Variants in MYL4 observed in about 807,000 individuals in gnomAD.
MYL4 encodes atrial myosin light chain 1.
A neutral mutation model predicts 21.6 loss-of-function variants in MYL4; 16 were observed. That is an observed-to-expected ratio of 0.74 (90% CI 0.50 to 1.12). MYL4 has a LOEUF of 1.12. Ranked by LOEUF, MYL4 falls within the 50% of genes most tolerant of loss-of-function variation. The pLI, the probability that MYL4 is intolerant of heterozygous loss-of-function variation, is 0.00. For synonymous variants in MYL4, 82 were observed against 95.7 expected, an observed-to-expected ratio of 0.86 and a Z score of 0.83; for missense variants, 249 against 252.9, an observed-to-expected ratio of 0.98 and a Z score of 0.11.
chr17:47,214,653 A>G (rs1461153371), intron 2 of MYL4, among the ~76,000 whole-genome samples: 2 of 152,242 alleles, frequency 1.3e-5, no homozygotes, highest in Non-Finnish European at 2.9e-5. Context: ...TAAAAAATAA[A>G]AATCCTTTTT....
At chr17:47,222,634 A>G (rs2064865569) in intron 5 of MYL4, among the ~76,000 whole-genome samples, 177 bp downstream of exon 5, 1 of 152,000 alleles carries the variant, frequency 6.6e-6, no homozygotes, top group Admixed American at 6.6e-5. Context: ...TGGCGGGAGC[A>G]TGGATTTTGG....
intron 1 of MYL4, among the ~76,000 whole-genome samples, chr17:47,213,421 C>A (rs1274457820): frequency 6.6e-6 from 1 of 152,176 alleles, no homozygotes; most frequent in African/African-American, 2.4e-5. Flanking sequence ...CTACACACAA[C>A]CTCCTGTATA....
chr17:47,206,695 G>C (rs1007046389), upstream of MYL4, among the ~76,000 whole-genome samples: 5 of 152,148 alleles, frequency 3.3e-5, no homozygotes, highest in African/African-American at 1.2e-4. Context: ...CTAGTCTCAG[G>C]ATTCTGTTGA....
intron 1 of MYL4, among the ~76,000 whole-genome samples, chr17:47,201,549 C>T (rs1339324900): frequency 6.6e-6 from 1 of 152,032 alleles, no homozygotes; most frequent in Non-Finnish European, 1.5e-5. Context: ...CCGCCTCTCC[C>T]AGGTTCAAGT....
At chr17:47,212,457 C>T (rs1336656824) in intron 1 of MYL4, among the ~76,000 whole-genome samples, 1 of 152,226 alleles carries the variant, frequency 6.6e-6, no homozygotes, top group Non-Finnish European at 1.5e-5. Flanking sequence ...CACGTAAAGG[C>T]ATGACTGGAA....
intron 2 of MYL4, among the ~76,000 whole-genome samples, chr17:47,217,019 A>C (rs1191844961): frequency 1.3e-5 from 2 of 152,094 alleles, no homozygotes; most frequent in Admixed American, 1.3e-4. Flanking sequence ...TTTTGAGGAG[A>C]CTTCCTCTTT....
intron 1 of MYL4, among the ~76,000 whole-genome samples, chr17:47,202,964 T>C (rs1668224111): frequency 2.0e-5 from 3 of 152,206 alleles, no homozygotes; most frequent in Non-Finnish European, 4.4e-5. Context: ...TTTATTTATT[T>C]ACTTATAGAC....
At chr17:47,191,834 C>T in the MYL4 span, among the ~76,000 whole-genome samples, 7 of 152,286 alleles carry the variant, frequency 4.6e-5, no homozygotes, top group Middle Eastern at 3.4e-3. Flanking sequence ...TGGTCATTTA[C>T]GGACTCAGCT....
At chr17:47,193,421 C>T in the MYL4 span, among the ~76,000 whole-genome samples, 1 of 152,098 alleles carries the variant, frequency 6.6e-6, no homozygotes, top group African/African-American at 2.4e-5. Flanking sequence ...GTGTGCGCCA[C>T]CACACCCAGC....
chr17:47,196,488 T>C (rs148532452), upstream of MYL4, among the ~76,000 whole-genome samples: 410 of 152,366 alleles, frequency 2.7e-3, 2 homozygotes, highest in Non-Finnish European at 3.9e-3. Context: ...TATATTTCTG[T>C]ATATTGTTCT....
upstream of MYL4, among the ~76,000 whole-genome samples, chr17:47,208,075 TC>T (rs1411316761): frequency 1.3e-5 from 2 of 152,224 alleles, no homozygotes; most frequent in African/African-American, 4.8e-5. Context: ...AAGTTGTTCA[TC>T]CAGTTTTAGT....
rs754888534 is a variant in MYL4 at position 47,222,449 on chromosome 17, A to G, written c.557A>G (p.Asn186Ser). The G allele has an allele frequency of 1.2e-5, 19 of 1,614,004 alleles. No individual in the cohort carries two copies. Among genetic ancestry groups the G allele is most frequent in the African/African-American group, 2.7e-5 (2 of 74,920 alleles). The change falls in exon 5 of 7, where the codon AAT (asparagine) becomes AGT (serine). Residue 186 changes from asparagine to serine, a missense_variant. Coordinates refer to ENST00000393450, the MANE Select transcript of MYL4 (RefSeq NM_002476.2). ...AGQEDANGCI[N>S]YEAFVKHIMS... ...CAAGAGGATGCCAATGGCTGCATCA[A>G]TTATGAAGGTATTAAGCCGCGCCTT... is the stretch of plus-strand genomic sequence containing the variant.
chr17:47,190,105 A>G, the MYL4 span, among the ~76,000 whole-genome samples: 19 of 152,220 alleles, frequency 1.2e-4, no homozygotes, highest in Non-Finnish European at 2.2e-4. Context: ...TACTTAGGTG[A>G]AGAGATCATG....
chr17:47,220,169 C>A lies in MYL4; in HGVS notation c.313+116C>A, dbSNP rs2064845247. The A allele has an allele frequency of 3.8e-6, 5 of 1,299,284 alleles. No individual in the cohort carries two copies. In the South Asian group the frequency reaches 6.2e-5, roughly 16 times the overall value. 80.5% of individuals were successfully genotyped at this position (1,299,284 alleles called of 1,614,324 possible). On this transcript the variant is annotated intron_variant, in intron 3 of 6. Coordinates refer to ENST00000393450, the MANE Select transcript of MYL4 (RefSeq NM_002476.2). ...TCTCTCTTCTCCTGCTTTAGCCCCT[C>A]AGGACCAGCCTCACCTACCCAGCTT... is the stretch of plus-strand genomic sequence containing the variant.
intron 1 of MYL4, among the ~76,000 whole-genome samples, chr17:47,210,039 A>C (rs2064761932): frequency 6.6e-6 from 1 of 152,088 alleles, no homozygotes; most frequent in African/African-American, 2.4e-5. Flanking sequence ...GAAAGGCTTC[A>C]CTCACAAACA....
At chr17:47,198,333 T>C (rs1440370792), upstream of MYL4, among the ~76,000 whole-genome samples, 2 of 151,946 alleles carry the variant, frequency 1.3e-5, no homozygotes, top group East Asian at 1.9e-4. Context: ...ACAAAAAGAG[T>C]AAATTTAATG....
chr17:47,209,560 A>G lies in MYL4; in HGVS notation c.135+3A>G. 2 of 1,614,198 alleles carry G rather than the reference A, an allele frequency of 1.2e-6. No homozygotes were observed. Among genetic ancestry groups the G allele is most frequent in the African/African-American group, 1.3e-5 (1 of 75,050 alleles). ...CCTTTGACCCCAAGAGTGTAAAGGT[A>G]AGTGAGGCTCAGCCATTGGGATAGA... is the stretch of plus-strand genomic sequence containing the variant. On this transcript the variant is annotated splice_donor_region_variant and intron_variant, in intron 1 of 6. Coordinates refer to ENST00000393450, the MANE Select transcript of MYL4 (RefSeq NM_002476.2).
chr17:47,214,945 T>C (rs2064803391), intron 2 of MYL4, among the ~76,000 whole-genome samples: 1 of 152,226 alleles, frequency 6.6e-6, no homozygotes, highest in Non-Finnish European at 1.5e-5. Flanking sequence ...CCCTTTTAAT[T>C]TAATCAAGAC....
chr17:47,220,151 TCTC>T (rs2064845048), intron 3 of MYL4, 98 bp downstream of exon 3: 3 of 1,411,996 alleles, frequency 2.1e-6, no homozygotes, highest in Non-Finnish European at 2.8e-6. Flanking sequence ...CACTCTCTCT[TCTC>T]CTGCTTTAGC....
Sources: gnomAD v4.1 joint callset for allele counts (sites outside exome capture counted in the v4.1 genomes callset) on GRCh38, gnomAD v4.1.1 for gene constraint, MANE v1.5 for transcripts, NCBI Gene and HGNC (gene_info 2026-07-23, HGNC 2026-07-21) for gene names.